Variants in FBN3 observed in about 807,000 individuals in gnomAD.
The protein encoded by FBN3 is fibrillin 3.
FBN3 carries 234 observed loss-of-function variants against 330.1 expected under a neutral mutation model. The ratio of observed to expected loss-of-function variants is 0.71; its 90% CI spans 0.64 to 0.79. The LOEUF (loss-of-function observed/expected upper bound fraction) is 0.79. FBN3 is among the 30% of genes least tolerant of loss of function. FBN3 has a pLI of 0.00. For synonymous variants in FBN3, 1,458 were observed against 1,517.3 expected, an observed-to-expected ratio of 0.96 and a Z score of 0.91; for missense variants, 3,606 against 3,886.9, an observed-to-expected ratio of 0.93 and a Z score of 1.92.
Position 8,131,146 on chromosome 19 carries a change from G to C in FBN3, c.2044+89C>G. On this transcript the variant is annotated intron_variant, in intron 16 of 63. Transcript: ENST00000600128. The surrounding 1 kb of genome is among the most constrained non-coding windows in gnomAD (Gnocchi z 4.5). ...GGGGCACTTTGTTACGGGAACCCCGGGCCAACTCCTACAGCCTCCCACCAC... is the reference window on the plus strand; with the variant it reads ...GGGGCACTTTGTTACGGGAACCCCGCGCCAACTCCTACAGCCTCCCACCAC... 7.6e-7 allele frequency: 1 copy of C among 1,311,232 alleles called. No homozygotes were observed. The highest frequency in any genetic ancestry group is 1.1e-6 in the Non-Finnish European group (1 of 942,562). The allele number at this position is 1,311,232 out of a possible 1,614,324, so 81.2% of individuals were successfully genotyped here.
chr19:8,148,822 CCT>C (rs1343187497), intron 1 of FBN3: 1 of 152,306 alleles, frequency 6.6e-6, no homozygotes, highest in African/African-American at 2.4e-5. Flanking sequence ...AGAGGGGCGC[CCT>C]CTTTTTCTTC....
At chr19:8,112,139 G>A in intron 30 of FBN3, 40 bp from the exon 31 acceptor site, 10 of 1,601,626 alleles carry the variant, frequency 6.2e-6, no homozygotes, top group Non-Finnish European at 7.7e-6. Context: ...CCCAGTCACA[G>A]AAGGAAAGAC....
chr19:8,123,663 CT>C, intron 23 of FBN3, 74 bp from the exon 24 acceptor site: 1 of 1,602,204 alleles, frequency 6.2e-7, no homozygotes, highest in Admixed American at 1.7e-5. Context: ...TCCCTGGGTT[CT>C]TAGTGCCTCG....
At chr19:8,077,126 G>A (rs894835148) in intron 59 of FBN3, among the ~76,000 whole-genome samples, 18 of 152,324 alleles carry the variant, frequency 1.2e-4, no homozygotes, top group Non-Finnish European at 2.2e-4. Flanking sequence ...TGTTATGGCA[G>A]CCTGAGCTGG....
chr19:8,100,795 TGGAGGAG>T, intron 41 of FBN3, 99 bp downstream of exon 41: 4 of 765,824 alleles, frequency 5.2e-6, no homozygotes, highest in Admixed American at 4.2e-5. Flanking sequence ...GAGGGGAGGA[TGGAGGAG>T]TGGATGTAAG....
At chr19:8,072,966 CGT>C (rs60155490) in intron 62 of FBN3, 95 bp downstream of exon 62, 74,851 of 640,244 alleles carry the variant, frequency 0.12, 1,158 homozygotes, top group East Asian at 0.24. Flanking sequence ...CACAAAGCCC[CGT>C]GTGTGTGTGT....
intron 38 of FBN3, among the ~76,000 whole-genome samples, chr19:8,104,173 A>G (rs1335992593): frequency 6.6e-6 from 1 of 151,714 alleles, no homozygotes; most frequent in East Asian, 1.9e-4. Flanking sequence ...GTGAAAAAAA[A>G]AAAAAAAAAA....
chr19:8,135,936 G>GGGGGGGGGGGGGGGGCCGCC, intron 13 of FBN3, 25 bp downstream of exon 13: 2 of 668,778 alleles, frequency 3.0e-6, no homozygotes, highest in Non-Finnish European at 4.8e-6. Flanking sequence ...GGAAGCCCCT[G>GGGGGGGGGGGGGGGGCCGCC]CCCACCCGCC....
chr19:8,082,821 TTTTG>T (rs2081838385), intron 57 of FBN3, among the ~76,000 whole-genome samples: 1 of 151,494 alleles, frequency 6.6e-6, no homozygotes, highest in South Asian at 2.1e-4. Context: ...CTTTCTTTTC[TTTTG>T]TTTTTCATTT....
intron 6 of FBN3, among the ~76,000 whole-genome samples, chr19:8,143,492 C>CTTTTTTTT (rs1472260736): frequency 1.1e-4 from 13 of 122,786 alleles, no homozygotes; most frequent in African/African-American, 4.4e-4. Flanking sequence ...TTTTTCTTTT[C>CTTTTTTTT]TTTTCTTTTT....
In FBN3 at chr19:8,116,654, C is replaced by T. The variant is rs1363751208; in HGVS notation, c.3712+20G>A. On this transcript the variant is annotated intron_variant, in intron 29 of 63. Coordinates refer to ENST00000600128, the MANE Select transcript of FBN3 (RefSeq NM_032447.5). The stretch of plus-strand genomic sequence containing the variant: ...CACTGCCTCCTCCACCCGCCCCGCC[C>T]CACCGTCCCGGCTCCTCACCAACAC... 6.2e-7 allele frequency: 1 copy of T among 1,601,588 alleles called. No homozygotes were observed. The highest frequency in any genetic ancestry group is 1.1e-5 in the South Asian group (1 of 90,618).
chr19:8,074,154 C>T (rs1314557577), intron 61 of FBN3, among the ~76,000 whole-genome samples: 1 of 152,126 alleles, frequency 6.6e-6, no homozygotes, highest in Non-Finnish European at 1.5e-5. Context: ...TAGTGAAAGG[C>T]AGGTCCTTGG....
Position 8,121,452 on chromosome 19 carries a change from G to C in FBN3, c.3083-66C>G. The C allele has an allele frequency of 1.4e-6, 2 of 1,467,880 alleles. No individual in the cohort carries two copies. The highest frequency in any genetic ancestry group is 1.8e-6 in the Non-Finnish European group (2 of 1,096,546). The allele number at this position is 1,467,880 out of a possible 1,614,324, so 90.9% of individuals were successfully genotyped here. The stretch of plus-strand genomic sequence containing the variant: ...CCGCATCATGGGGCACGAGGCAGGG[G>C]GGTCCCTGTCCTTTGATGGAGGTGT... On this transcript the variant is annotated intron_variant, in intron 24 of 63. Transcript: ENST00000600128. The surrounding 1 kb of genome is among the most constrained non-coding windows in gnomAD (Gnocchi z 4.5).
Position 8,087,117 on chromosome 19 carries a change from TG to T in FBN3, c.6713del (p.Pro2238GlnfsTer127), listed in dbSNP as rs1419308786. ...CAGAGCCAGGCAGGGGCCGCATGCC[TG>T]GGGGACAGACGCACGCGAAGGTACC... ...LIGTFACVCP[P>X]GMRPLPGSGE... On this transcript the variant is annotated frameshift_variant, in exon 54 of 64. Transcript: ENST00000600128. LOFTEE classifies it high-confidence loss of function. The T allele has an allele frequency of 6.2e-7, 1 of 1,610,922 alleles. No individual in the cohort carries two copies. Among genetic ancestry groups the T allele is most frequent in the South Asian group, 1.1e-5 (1 of 90,946 alleles).
At chr19:8,086,348 G>C (rs775250412) in intron 54 of FBN3, 23 bp from the exon 55 acceptor site, 1 of 1,575,472 alleles carries the variant, frequency 6.3e-7, no homozygotes, top group Non-Finnish European at 8.7e-7. Flanking sequence ...GGGTGAGGCA[G>C]GTGGGCGGGG....
chr19:8,134,851 T>C (rs1274961122), intron 13 of FBN3, among the ~76,000 whole-genome samples: 2 of 150,934 alleles, frequency 1.3e-5, no homozygotes, highest in Non-Finnish European at 3.0e-5. Context: ...GGAGAATCAC[T>C]TGAACCCGGG....
intron 34 of FBN3, 110 bp downstream of exon 34, chr19:8,110,735 G>A (rs1347606471): frequency 1.4e-6 from 2 of 1,436,304 alleles, no homozygotes; most frequent in Non-Finnish European, 1.9e-6. Flanking sequence ...CAGCAAGACT[G>A]CAGGGGAGGA....
At position 8,072,149 on chromosome 19, in the gene FBN3, C is replaced by T. The variant is rs1376432632; in HGVS notation, c.7987G>A (p.Asp2663Asn). ...TCAGACGAGAGCAGCTCCTCTTTGT[C>T]CGGGGTGTCCTGGGGTCCGGGGCTG... ...GFSPGPQDTP[D>N]KEELLSSEAC... The change falls in exon 63 of 64, where the codon GAC becomes AAC. Residue 2663 changes from aspartate (D) to asparagine (N), a missense_variant. Physicochemically the swap from Asp to Asn is conservative, Grantham distance 23. Coordinates refer to ENST00000600128, the MANE Select transcript of FBN3 (RefSeq NM_032447.5). 1 of 1,601,654 alleles carries T rather than the reference C, an allele frequency of 6.2e-7. No individual in the cohort carries two copies. The highest frequency in any genetic ancestry group is 1.3e-5 in the African/African-American group (1 of 74,562).
In FBN3 at chr19:8,123,841, G is replaced by A. The variant is rs752005773; in HGVS notation, c.2899C>T (p.Pro967Ser). 3.1e-6 allele frequency: 5 copies of A among 1,612,720 alleles called. No homozygotes were observed. In the East Asian group the frequency reaches 1.1e-4, roughly 36 times the overall value. Residue 967 changes from proline (P) to serine (S), a missense_variant, in exon 23 of 64, where the codon CCG becomes TCG. Transcript: ENST00000600128. ...CGGCTGGCGAAGCCCAGCCCCCGCG[G>A]GCACAGGCTGGCGAACTCCAGAGAC... is the stretch of plus-strand genomic sequence containing the variant. ...PESLEFASLC[P>S]RGLGFASRDF...
Sources: allele counts gnomAD v4.1 joint callset (sites outside exome capture counted in the v4.1 genomes callset), GRCh38; gene constraint gnomAD v4.1.1; non-coding constraint Gnocchi (gnomAD v3.1); transcripts MANE v1.5; gene names NCBI Gene and HGNC (gene_info 2026-07-23, HGNC 2026-07-21).